Variants in DHCR24 observed in about 807,000 individuals in gnomAD.
The protein encoded by DHCR24 is delta(24)-sterol reductase.
Under a neutral mutation model 61.2 loss-of-function variants are expected in DHCR24, and 28 were observed. The observed-to-expected ratio is 0.46, with a 90% CI of 0.34 to 0.63. The LOEUF is 0.63. DHCR24 is among the 20% of genes least tolerant of loss of function. The pLI is 0.01. For missense variants in DHCR24, 538 were observed against 679.1 expected (o/e 0.79, Z 2.31); for synonymous variants, 261 against 275.9 (o/e 0.95, Z 0.54).
intron 6 of DHCR24, among the ~76,000 whole-genome samples, chr1:54,855,992 T>C (rs1209292714): frequency 6.6e-6 from 1 of 151,694 alleles, no homozygotes; most frequent in Non-Finnish European, 1.5e-5. Flanking sequence ...TGCCTACCCT[T>C]TGGGGGACAT....
chr1:54,879,255 G>T (rs894622275), intron 2 of DHCR24, among the ~76,000 whole-genome samples: 2 of 148,596 alleles, frequency 1.3e-5, no homozygotes, highest in African/African-American at 5.0e-5. Flanking sequence ...GGAGGTGGAG[G>T]TTGCAGTGAG....
intron 3 of DHCR24, among the ~76,000 whole-genome samples, chr1:54,875,661 CTG>C (rs1647024546): frequency 6.6e-6 from 1 of 152,090 alleles, no homozygotes; most frequent in Non-Finnish European, 1.5e-5. Flanking sequence ...TATACTTATT[CTG>C]TGTGTTCCAT....
rs865883119 is a variant in DHCR24 at position 54,883,833 on chromosome 1, G to A, written c.232-60C>T. On this transcript the variant is annotated intron_variant, in intron 1 of 8. Coordinates refer to ENST00000371269, the MANE Select transcript of DHCR24 (RefSeq NM_014762.4). The surrounding 1 kb of genome is among the most constrained non-coding windows in gnomAD (Gnocchi z 4.3). ...CTGGGAATCCCCAGAGCAGCCTGCA[G>A]CCCTGCTTTCTTCAAGGGCGAGCTG... is the stretch of plus-strand genomic sequence containing the variant. 10 of 1,609,368 alleles carry A rather than the reference G, an allele frequency of 6.2e-6. No homozygotes were observed. In the Middle Eastern group the frequency reaches 5.9e-4, roughly 94 times the overall value.
intron 1 of DHCR24, among the ~76,000 whole-genome samples, chr1:54,886,215 G>A (rs1238114395): frequency 2.6e-5 from 4 of 152,198 alleles, no homozygotes; most frequent in African/African-American, 7.2e-5. Context: ...CACAGGCTCC[G>A]TGGGTGCCTG....
chr1:54,855,263 G>A (rs1470632397), intron 6 of DHCR24, among the ~76,000 whole-genome samples: 2 of 152,006 alleles, frequency 1.3e-5, no homozygotes, highest in Non-Finnish European at 2.9e-5. Context: ...GCATGGTGGC[G>A]GGCGCCTGTA....
Position 54,853,430 on chromosome 1 carries a change from T to G in DHCR24, c.1397+4A>C. 6.2e-7 allele frequency: 1 copy of G among 1,614,194 alleles called. No individual in the cohort carries two copies. The highest frequency in any genetic ancestry group is 8.5e-7 in the Non-Finnish European group (1 of 1,180,008). On this transcript the variant is annotated splice_donor_region_variant and intron_variant, in intron 8 of 8. Transcript: ENST00000371269. ...GGCAACATACTATACTCTGGGCCAC[T>G]CACCCATGCACGCTGCGGACAAACT...
chr1:54,878,344 A>AG (rs1647045705), intron 2 of DHCR24, among the ~76,000 whole-genome samples: 1 of 384 alleles, frequency 2.6e-3, no homozygotes, highest in Non-Finnish European at 0.1. Context: ...CGCCTCTGCT[A>AG]AAAAAAAAAA....
chr1:54,871,440 C>A lies in DHCR24; in HGVS notation c.786G>T (p.Gln262His). 1 of 1,614,228 alleles carries A rather than the reference C, an allele frequency of 6.2e-7. No individual in the cohort carries two copies. Among genetic ancestry groups the A allele is most frequent in the Non-Finnish European group, 8.5e-7 (1 of 1,180,040 alleles). ...CAKFTHESQR[Q>H]ENHFVEGLLY... The stretch of plus-strand genomic sequence containing the variant: ...GCAGCCCTTCCACGAAGTGGTTCTC[C>A]TGCCGCTGGGACTCGTGGGTGAACT... Residue 262 changes from glutamine to histidine, a missense_variant, in exon 5 of 9, where the codon CAG (glutamine) becomes CAT (histidine). Physicochemically the swap from Gln to His is conservative, Grantham distance 24. Coordinates refer to ENST00000371269, the MANE Select transcript of DHCR24 (RefSeq NM_014762.4).
intron 4 of DHCR24, among the ~76,000 whole-genome samples, chr1:54,873,788 T>C (rs1393477138): frequency 6.6e-6 from 1 of 152,124 alleles, no homozygotes; most frequent in East Asian, 1.9e-4. Context: ...TAGCTGGAAA[T>C]ACAGGAACAC....
intron 5 of DHCR24, among the ~76,000 whole-genome samples, chr1:54,870,360 C>G (rs995018605): frequency 6.6e-6 from 1 of 152,144 alleles, no homozygotes; most frequent in Non-Finnish European, 1.5e-5. Context: ...AGCATTGTTA[C>G]ATTACTTTTA....
chr1:54,872,805 C>T (rs140490419), intron 4 of DHCR24, among the ~76,000 whole-genome samples: 15 of 152,300 alleles, frequency 9.8e-5, no homozygotes, highest in Admixed American at 5.2e-4. Context: ...GCCCCGCAAG[C>T]GTTCAGGAAA....
chr1:54,873,692 C>T (rs1248459314), intron 4 of DHCR24, among the ~76,000 whole-genome samples: 1 of 152,218 alleles, frequency 6.6e-6, no homozygotes, highest in Non-Finnish European at 1.5e-5. Context: ...CTCTGTCACC[C>T]AGGCTAGAGT....
chr1:54,871,681 G>T, intron 4 of DHCR24, 68 bp from the exon 5 acceptor site: 1 of 1,604,414 alleles, frequency 6.2e-7, no homozygotes, highest in East Asian at 2.2e-5. Flanking sequence ...GCAGTCAGTG[G>T]GGGAGCAAAG....
chr1:54,887,060 C>A lies in DHCR24; in HGVS notation c.60G>T (p.Leu20=). The change falls in exon 1 of 9, where the codon CTG becomes CTT. Residue 20 remains leucine, a synonymous_variant. Transcript: ENST00000371269. ...CALLFLLWVR[L]KGLEFVLIHQ... The stretch of plus-strand genomic sequence containing the variant: ...GGATGAGCACGAACTCCAGCCCCTT[C>A]AGGCGCACCCACAGCAGGAAGAGCA... 6.2e-7 allele frequency: 1 copy of A among 1,611,438 alleles called. No homozygotes were observed. The highest frequency in any genetic ancestry group is 8.5e-7 in the Non-Finnish European group (1 of 1,178,946).
chr1:54,870,460 T>C (rs1646992097), intron 5 of DHCR24, among the ~76,000 whole-genome samples: 1 of 152,108 alleles, frequency 6.6e-6, no homozygotes, highest in Non-Finnish European at 1.5e-5. Flanking sequence ...TGTTCCAGGA[T>C]CCCCCAAAAT....
At chr1:54,875,298 G>A (rs1230129756) in intron 3 of DHCR24, 87 bp from the exon 4 acceptor site, 4 of 1,177,016 alleles carry the variant, frequency 3.4e-6, no homozygotes, top group Non-Finnish European at 5.1e-6. Flanking sequence ...CTCCTAGCAT[G>A]AGGGAGGTTT....
At chr1:54,886,181 G>C (rs1647094486) in intron 1 of DHCR24, among the ~76,000 whole-genome samples, 1 of 152,184 alleles carries the variant, frequency 6.6e-6, no homozygotes, top group African/African-American at 2.4e-5. Context: ...TGCAGAGGAG[G>C]CTCCACTGTG....
chr1:54,881,627 C>G (rs900063591), intron 2 of DHCR24, among the ~76,000 whole-genome samples: 2 of 152,154 alleles, frequency 1.3e-5, no homozygotes, highest in Admixed American at 1.3e-4. Context: ...ACCCAGCAAT[C>G]TCATTACTGG....
chr1:54,875,043 C>T, intron 4 of DHCR24, 50 bp downstream of exon 4: 3 of 1,528,650 alleles, frequency 2.0e-6, no homozygotes, highest in African/African-American at 1.4e-5. Flanking sequence ...CCTCAGGATC[C>T]TTAATGCCCA....
Sources: gnomAD v4.1 joint callset for allele counts (sites outside exome capture counted in the v4.1 genomes callset) on GRCh38, gnomAD v4.1.1 for gene constraint, Gnocchi (gnomAD v3.1) non-coding constraint, MANE v1.5 for transcripts, NCBI Gene and HGNC (gene_info 2026-07-23, HGNC 2026-07-21) for gene names.